The following HIPK2 variants were observed in gnomAD, a reference collection of about 807,000 sequenced individuals.
HIPK2 encodes the protein homeodomain-interacting protein kinase 2.
A neutral mutation model predicts 113.7 loss-of-function variants in HIPK2; 27 were observed. That is an observed-to-expected ratio of 0.24 (90% confidence interval 0.17 to 0.33). The LOEUF (loss-of-function observed/expected upper bound fraction) is 0.33. HIPK2 is among the 10% of genes least tolerant of loss of function. The probability of loss-of-function intolerance (pLI) is 1.00; values close to 1 mark genes in which losing one functional copy is unlikely to be tolerated. For missense variants in HIPK2, 1,257 were observed against 1,588.0 expected (o/e 0.79, Z 3.54); for synonymous variants, 631 against 642.2 (o/e 0.98, Z 0.26).
intron 1 of HIPK2, among the ~76,000 whole-genome samples, chr7:139,751,590 A>ATGGATG (rs1796279930): frequency 6.8e-6 from 1 of 145,986 alleles, no homozygotes; most frequent in South Asian, 2.2e-4. Flanking sequence ...TTGGATGGAT[A>ATGGATG]GATGGATGGA....
intron 5 of HIPK2, 79 bp from the exon 6 acceptor site, chr7:139,626,864 T>G (rs1800450465): frequency 1.3e-6 from 2 of 1,505,794 alleles, no homozygotes; most frequent in Admixed American, 3.4e-5. Flanking sequence ...TTTTTTGCCC[T>G]GTAACTTCCT....
intron 1 of HIPK2, among the ~76,000 whole-genome samples, chr7:139,735,677 T>A (rs1346820618): frequency 6.6e-6 from 1 of 152,146 alleles, no homozygotes; most frequent in Non-Finnish European, 1.5e-5. Flanking sequence ...CATTGAACGG[T>A]GCAGGCTTCA....
intron 1 of HIPK2, among the ~76,000 whole-genome samples, chr7:139,742,506 C>CA (rs1554455861): frequency 6.7e-6 from 1 of 149,844 alleles, no homozygotes; most frequent in African/African-American, 2.5e-5. Flanking sequence ...AGGGAAACTT[C>CA]TTTTTTTTTT....
chr7:139,618,202 A>G (rs1167461969), intron 7 of HIPK2, among the ~76,000 whole-genome samples: 2 of 152,238 alleles, frequency 1.3e-5, no homozygotes, highest in Admixed American at 1.3e-4. Context: ...GAGGATTAAG[A>G]GTTATGGTAC....
rs1796001280 is a variant in HIPK2 at position 139,738,413 on chromosome 7, T to C, written c.20-21398A>G. On this transcript the variant is annotated intron_variant, in intron 1 of 14. Transcript: ENST00000406875. ...AGCCACACATGTGTCTATGCAGCCC[T>C]TGAAAATGTGGCTGGTGTGACTGAG... 2.0e-5 allele frequency among the ~76,000 whole-genome samples: 3 copies of C among 152,260 alleles called. No homozygotes were observed. The South Asian group carries it at 6.2e-4, about 31-fold the overall frequency.
At chr7:139,583,085 G>A (rs1185631945) in intron 13 of HIPK2, among the ~76,000 whole-genome samples, 22 of 152,254 alleles carry the variant, frequency 1.4e-4, no homozygotes, top group Admixed American at 1.4e-3. Flanking sequence ...GCTGGCTTGG[G>A]TGTGGTTTGT....
At chr7:139,616,325 A>C (rs1800042104) in intron 7 of HIPK2, among the ~76,000 whole-genome samples, 1 of 152,010 alleles carries the variant, frequency 6.6e-6, no homozygotes, top group African/African-American at 2.4e-5. Flanking sequence ...AGGGTAGATC[A>C]TTCTTTCCAC....
rs185052163 is a variant in HIPK2 at position 139,678,314 on chromosome 7, T to C, written c.1103+37618A>G. Among the ~76,000 whole-genome samples the C allele has an allele frequency of 2.6e-5, 4 of 152,302 alleles. No individual in the cohort carries two copies. The East Asian group carries it at 7.7e-4, about 29-fold the overall frequency. The stretch of plus-strand genomic sequence containing the variant: ...TTTGCCATGCCTATGTCCTGAATGG[T>C]ATTGCCTAGGTTTTCTTCTAGGGTT... On this transcript the variant is annotated intron_variant, in intron 2 of 14. Transcript: ENST00000406875.
chr7:139,594,934 T>C (rs1358058950), intron 12 of HIPK2, among the ~76,000 whole-genome samples: 2 of 152,164 alleles, frequency 1.3e-5, no homozygotes, highest in Non-Finnish European at 2.9e-5. Context: ...GGTTCTATCA[T>C]TTCTTTCTGG....
At position 139,630,579 on chromosome 7, in the gene HIPK2, G is replaced by T. The variant is rs367703100; in HGVS notation, c.1347+586C>A. 6.6e-6 allele frequency among the ~76,000 whole-genome samples: 1 copy of T among 152,156 alleles called. No homozygotes were observed. Among genetic ancestry groups the T allele is most frequent in the African/African-American group, 2.4e-5 (1 of 41,518 alleles). On this transcript the variant is annotated intron_variant, in intron 4 of 14. Transcript: ENST00000406875. This position sits in a 1 kb window ranked among gnomAD's most constrained non-coding sequence, Gnocchi z 4.0. ...CGCCCAGCTAATTTTTATACTTTTA[G>T]TAGAGACGGGGTTTCACCATGTTGG...
chr7:139,659,714 C>T lies in HIPK2; in HGVS notation c.1104-27989G>A, dbSNP rs1585341904. Among the ~76,000 whole-genome samples the T allele has an allele frequency of 5.3e-5, 8 of 152,218 alleles. No individual in the cohort carries two copies. The South Asian group carries it at 1.7e-3, about 32-fold the overall frequency. On this transcript the variant is annotated intron_variant, in intron 2 of 14. Coordinates refer to ENST00000406875, the MANE Select transcript of HIPK2 (RefSeq NM_022740.5). ...GACCCTTCCTTTAAAGGGTGTGTCT[C>T]CAGCCCACGAACTTCTGGCTGGCTA...
intron 12 of HIPK2, among the ~76,000 whole-genome samples, chr7:139,594,266 T>C (rs984721331): frequency 2.0e-5 from 3 of 152,246 alleles, no homozygotes; most frequent in African/African-American, 7.2e-5. Context: ...TTTTGTGTTA[T>C]AATGATTTGT....
chr7:139,711,676 G>A (rs566573766), intron 2 of HIPK2, among the ~76,000 whole-genome samples: 1 of 151,746 alleles, frequency 6.6e-6, no homozygotes, highest in East Asian at 1.9e-4. Context: ...TTTAACATTT[G>A]GTCTTATTTG....
chr7:139,683,460 C>A lies in HIPK2; in HGVS notation c.1103+32472G>T, dbSNP rs147618600. ...CAGCTCCTCCCTACGGGGGCCTCCA[C>A]AGGACTGCTCACAACACGGGAGCCA... On this transcript the variant is annotated intron_variant, in intron 2 of 14. Transcript: ENST00000406875. The surrounding 1 kb of genome is among the most constrained non-coding windows in gnomAD (Gnocchi z 4.2). Among the ~76,000 whole-genome samples the A allele has an allele frequency of 7.7e-3, 1,178 of 152,310 alleles. 18 individuals are homozygous for A. Among genetic ancestry groups the A allele is most frequent in the African/African-American group, 0.027 (1,117 of 41,554 alleles).
At position 139,716,689 on chromosome 7, in the gene HIPK2, G is replaced by T; in HGVS notation, c.346C>A (p.Arg116Ser). The T allele has an allele frequency of 6.2e-7, 1 of 1,613,850 alleles. No homozygotes were observed. Among genetic ancestry groups the T allele is most frequent in the Non-Finnish European group, 8.5e-7 (1 of 1,179,846 alleles). The change falls in exon 2 of 15, where the codon CGT (arginine) becomes AGT (serine). Residue 116 changes from arginine (R) to serine (S), a missense_variant. This residue lies in a region of HIPK2 where 209 missense variants were observed against 237.8 expected (regional missense o/e 0.88). Coordinates refer to ENST00000406875, the MANE Select transcript of HIPK2 (RefSeq NM_022740.5). The surrounding 1 kb of genome is among the most constrained non-coding windows in gnomAD (Gnocchi z 9.3). ...QVLGGPHNLM[R>S]RSTVSLLDTY... ...TCAAGGAGGCTCACAGTGCTTCGAC[G>T]CATTAGGTTGTGTGGTCCGCCGAGG...
At position 139,742,875 on chromosome 7, in the gene HIPK2, G is replaced by C. The variant is rs181998292; in HGVS notation, c.20-25860C>G. Among the ~76,000 whole-genome samples the C allele has an allele frequency of 2.9e-3, 434 of 152,226 alleles. 5 individuals carry two copies. The highest frequency in any genetic ancestry group is 0.025 in the Admixed American group (382 of 15,290). On this transcript the variant is annotated intron_variant, in intron 1 of 14. Transcript: ENST00000406875. ...CTTTGTCTTCCAAAACAAATTTCCC[G>C]GGCATTAACAGAGACTATAAACTGT...
At chr7:139,645,952 C>A (rs55878341) in intron 2 of HIPK2, among the ~76,000 whole-genome samples, 29,611 of 152,132 alleles carry the variant, frequency 0.19, 3,192 homozygotes, top group Non-Finnish European at 0.25. Context: ...GGTCTCCAGC[C>A]AAGGGCAGCT....
At chr7:139,573,695 T>C (rs568826656) in intron 14 of HIPK2, among the ~76,000 whole-genome samples, 80 of 152,014 alleles carry the variant, frequency 5.3e-4, no homozygotes, top group African/African-American at 1.7e-3. Context: ...ACAAAAAAAT[T>C]AGCCGGGCAT....
At chr7:139,701,375 G>T (rs1794703336) in intron 2 of HIPK2, among the ~76,000 whole-genome samples, 1 of 152,340 alleles carries the variant, frequency 6.6e-6, no homozygotes, top group South Asian at 2.1e-4. Context: ...ACTGCAGGAC[G>T]TGAAGAGGCT....
Sources: gnomAD v4.1 joint callset for allele counts (sites outside exome capture counted in the v4.1 genomes callset) on GRCh38, gnomAD v4.1.1 for gene constraint, gnomAD v4.1.1 regional missense constraint, Gnocchi (gnomAD v3.1) non-coding constraint, MANE v1.5 for transcripts, NCBI Gene and HGNC (gene_info 2026-07-23, HGNC 2026-07-21) for gene names.